MIPOL1: variants seen among roughly 807,000 people sequenced by gnomAD.
MIPOL1 encodes mirror-image polydactyly gene 1 protein.
In MIPOL1, 57 loss-of-function variants were observed where a neutral mutation model predicts 60.9. The observed-to-expected ratio is 0.94, with a 90% CI of 0.76 to 1.17. The LOEUF (loss-of-function observed/expected upper bound fraction) is 1.17. MIPOL1 is among the 50% of genes most tolerant of loss of function. MIPOL1 has a pLI of 0.00. For synonymous variants in MIPOL1, 179 were observed against 168.8 expected (o/e 1.06, Z -0.47); for missense variants, 551 against 511.6 (o/e 1.08, Z -0.74).
chr14:37,526,465 G>C (rs2095447550), intron 12 of MIPOL1, among the ~76,000 whole-genome samples: 1 of 150,422 alleles, frequency 6.6e-6, no homozygotes, highest in South Asian at 2.1e-4. Flanking sequence ...CACCTCCCCG[G>C]TTTACGCCAT....
At chr14:37,356,251 T>G (rs7145124) in intron 9 of MIPOL1, among the ~76,000 whole-genome samples, 147,051 of 151,402 alleles carry the variant, frequency 0.97, 71,467 homozygotes, top group East Asian at 1. Flanking sequence ...ACTTGAGGAG[T>G]CAGTCTGCCA....
intron 1 of MIPOL1, among the ~76,000 whole-genome samples, chr14:37,216,078 AAG>A (rs1370567091): frequency 3.7e-4 from 52 of 139,174 alleles, no homozygotes; most frequent in African/African-American, 1.5e-3. Flanking sequence ...AAAAAAAAAA[AAG>A]AAAGAAAAGA....
chr14:37,360,913 G>T (rs2092194933), intron 9 of MIPOL1, among the ~76,000 whole-genome samples: 1 of 152,074 alleles, frequency 6.6e-6, no homozygotes, highest in African/African-American at 2.4e-5. Flanking sequence ...GTGATGGTAG[G>T]ATGTCAATTT....
intron 11 of MIPOL1, among the ~76,000 whole-genome samples, chr14:37,426,043 A>T (rs747523026): frequency 1.3e-5 from 2 of 152,126 alleles, no homozygotes; most frequent in Non-Finnish European, 2.9e-5. Flanking sequence ...TAGGTTAAGG[A>T]TTTTTGTTTT....
chr14:37,441,893 A>G (rs1186595986), intron 11 of MIPOL1, among the ~76,000 whole-genome samples: 4 of 152,044 alleles, frequency 2.6e-5, no homozygotes, highest in African/African-American at 7.2e-5. Flanking sequence ...CTTCTGATCA[A>G]TGAGCATGGG....
At chr14:37,298,705 C>T (rs980618491) in intron 7 of MIPOL1, among the ~76,000 whole-genome samples, 2 of 152,116 alleles carry the variant, frequency 1.3e-5, no homozygotes, top group African/African-American at 4.8e-5. Flanking sequence ...AAATGCTCAT[C>T]ATCACTGGCC....
intron 12 of MIPOL1, among the ~76,000 whole-genome samples, chr14:37,533,240 A>G (rs962955992): frequency 2.0e-5 from 3 of 152,172 alleles, no homozygotes; most frequent in African/African-American, 7.2e-5. Flanking sequence ...GCAGTTTTAA[A>G]CTGCCAGAAA....
Position 37,303,359 on chromosome 14 carries a change from C to A in MIPOL1, c.624-4697C>A, listed in dbSNP as rs1998020. On this transcript the variant is annotated intron_variant, in intron 7 of 12. Coordinates refer to ENST00000684589, the MANE Select transcript of MIPOL1 (RefSeq NM_001388067.1). ...TCATTCTTAAAACCTGATCCTCCTC[C>A]TTAATCCCTTATTCTGATCAGTGTT... is the stretch of plus-strand genomic sequence containing the variant. Among the ~76,000 whole-genome samples the A allele has an allele frequency of 1.0e-3, 158 of 151,896 alleles. 1 individual carries two copies. The highest frequency in any genetic ancestry group is 1.8e-3 in the Non-Finnish European group (125 of 67,806).
chr14:37,418,652 T>G (rs997712688), intron 10 of MIPOL1, among the ~76,000 whole-genome samples: 6 of 152,134 alleles, frequency 3.9e-5, no homozygotes, highest in African/African-American at 1.4e-4. Flanking sequence ...GTTCACTAGC[T>G]CTGTTATAAT....
At chr14:37,358,179 T>TA (rs1463308023) in intron 9 of MIPOL1, among the ~76,000 whole-genome samples, 1 of 152,216 alleles carries the variant, frequency 6.6e-6, no homozygotes, top group Admixed American at 6.5e-5. Context: ...TCATCCTTTT[T>TA]TATGGCTGCA....
chr14:37,265,628 C>T (rs2082821287), intron 3 of MIPOL1, among the ~76,000 whole-genome samples: 1 of 152,102 alleles, frequency 6.6e-6, no homozygotes, highest in South Asian at 2.1e-4. Context: ...TTGCTGGAAT[C>T]ATACTTGCCA....
intron 12 of MIPOL1, among the ~76,000 whole-genome samples, chr14:37,529,097 A>G (rs576163603): frequency 1.3e-5 from 2 of 152,310 alleles, no homozygotes; most frequent in African/African-American, 4.8e-5. Flanking sequence ...TACAGTTGGC[A>G]ACACCTCTTC....
intron 1 of MIPOL1, among the ~76,000 whole-genome samples, chr14:37,211,480 C>A (rs1449163142): frequency 2.0e-5 from 3 of 152,056 alleles, no homozygotes; most frequent in African/African-American, 7.2e-5. Context: ...GAAAAGCAGA[C>A]CAGACTCAGC....
intron 1 of MIPOL1, among the ~76,000 whole-genome samples, chr14:37,212,900 A>C (rs1323309469): frequency 6.6e-6 from 1 of 152,184 alleles, no homozygotes; most frequent in Non-Finnish European, 1.5e-5. Context: ...GTTTGGGAGA[A>C]AGTAAGGGAA....
chr14:37,501,150 T>C (rs1197089698), intron 12 of MIPOL1, among the ~76,000 whole-genome samples: 1 of 152,224 alleles, frequency 6.6e-6, no homozygotes, highest in Non-Finnish European at 1.5e-5. Context: ...ATTTTAATCT[T>C]TACTAGCCAT....
intron 1 of MIPOL1, among the ~76,000 whole-genome samples, chr14:37,200,893 TG>T (rs1965197980): frequency 2.6e-5 from 2 of 76,810 alleles, no homozygotes; most frequent in African/African-American, 1.6e-4. Context: ...TGTGTGTGTG[TG>T]TGTGTATTTT....
chr14:37,303,374 T>C (rs1998019), intron 7 of MIPOL1, among the ~76,000 whole-genome samples: 141,870 of 151,748 alleles, frequency 0.93, 66,811 homozygotes, highest in East Asian at 1. Context: ...TCCCTTATTC[T>C]GATCAGTGTT....
intron 11 of MIPOL1, among the ~76,000 whole-genome samples, chr14:37,489,001 G>A (rs1322873378): frequency 6.6e-6 from 1 of 152,110 alleles, no homozygotes; most frequent in Non-Finnish European, 1.5e-5. Context: ...CTAGGTTGGG[G>A]AATTTCTCCT....
intron 11 of MIPOL1, among the ~76,000 whole-genome samples, chr14:37,495,430 T>A (rs2095110065): frequency 6.6e-6 from 1 of 150,738 alleles, no homozygotes; most frequent in Non-Finnish European, 1.5e-5. Flanking sequence ...GATTTCCAAT[T>A]TCATCCATGT....
Sources: allele counts gnomAD v4.1 joint callset (sites outside exome capture counted in the v4.1 genomes callset), GRCh38; gene constraint gnomAD v4.1.1; transcripts MANE v1.5; gene names NCBI Gene and HGNC (gene_info 2026-07-23, HGNC 2026-07-21).